Variants in WDR93 observed in about 807,000 individuals in gnomAD.
The protein encoded by WDR93 is WD repeat domain 93.
A neutral mutation model predicts 82.9 loss-of-function variants in WDR93; 73 were observed. The ratio of observed to expected loss-of-function variants is 0.88; its 90% CI spans 0.73 to 1.07. The LOEUF (loss-of-function observed/expected upper bound fraction) is 1.07. WDR93 is among the 50% of genes least tolerant of loss of function. The probability of loss-of-function intolerance (pLI) is 0.00; values close to 1 mark genes in which losing one functional copy is unlikely to be tolerated. For synonymous variants in WDR93, 283 were observed against 300.1 expected, an observed-to-expected ratio of 0.94 and a Z score of 0.59; for missense variants, 738 against 826.0, an observed-to-expected ratio of 0.89 and a Z score of 1.31.
chr15:89,743,000 G>A (rs567226855), intron 16 of WDR93, among the ~76,000 whole-genome samples: 4 of 152,324 alleles, frequency 2.6e-5, no homozygotes, highest in Non-Finnish European at 4.4e-5. Context: ...TGAATGTTCC[G>A]TTGTGTGTAA....
At chr15:89,709,970 C>A (rs1965894905) in intron 4 of WDR93, among the ~76,000 whole-genome samples, 1 of 151,934 alleles carries the variant, frequency 6.6e-6, no homozygotes, top group Admixed American at 6.6e-5. Flanking sequence ...ACCATCCTGG[C>A]TAACACGGTG....
chr15:89,728,043 TG>T (rs1966807201), intron 9 of WDR93, among the ~76,000 whole-genome samples: 1 of 152,102 alleles, frequency 6.6e-6, no homozygotes, highest in South Asian at 2.1e-4. Flanking sequence ...ATCACGCCAC[TG>T]CACTGTAGCT....
chr15:89,726,192 A>T (rs965009040), intron 8 of WDR93, among the ~76,000 whole-genome samples: 2 of 152,238 alleles, frequency 1.3e-5, no homozygotes, highest in Admixed American at 1.3e-4. Context: ...AGAAGCTGAG[A>T]TGGAAGGATT....
At chr15:89,739,115 C>CA (rs763514909) in intron 16 of WDR93, among the ~76,000 whole-genome samples, 3,010 of 127,172 alleles carry the variant, frequency 0.024, 53 homozygotes, top group East Asian at 0.12. Flanking sequence ...GACCCTGCCT[C>CA]AAAAAAAAAA....
At chr15:89,712,003 A>G (rs1596084244) in intron 4 of WDR93, 23 bp from the exon 5 acceptor site, 3 of 1,601,530 alleles carry the variant, frequency 1.9e-6, no homozygotes, top group Non-Finnish European at 1.7e-6. Flanking sequence ...TGCCTACTCT[A>G]TCAACATCTC....
At chr15:89,732,976 C>T in intron 12 of WDR93, 30 bp from the exon 13 acceptor site, 1 of 1,609,804 alleles carries the variant, frequency 6.2e-7, no homozygotes, top group Non-Finnish European at 8.5e-7. Context: ...ACCCCGTTTT[C>T]TGACCGGCTT....
intron 4 of WDR93, among the ~76,000 whole-genome samples, chr15:89,708,434 G>A (rs557725640): frequency 6.6e-6 from 1 of 151,978 alleles, no homozygotes; most frequent in Non-Finnish European, 1.5e-5. Flanking sequence ...TGTCGCAGCT[G>A]GCTCTAGTCA....
At chr15:89,740,106 G>A (rs1191627115) in intron 16 of WDR93, among the ~76,000 whole-genome samples, 1 of 152,168 alleles carries the variant, frequency 6.6e-6, no homozygotes, top group Non-Finnish European at 1.5e-5. Flanking sequence ...TTGGCTTAAG[G>A]TATTAAGTGG....
upstream of WDR93, chr15:89,690,551 G>C (rs1410758622): frequency 5.8e-6 from 9 of 1,543,362 alleles, no homozygotes; most frequent in African/African-American, 1.4e-5. Context: ...CGAGAAAGGG[G>C]CGGAGGCCGC....
chr15:89,706,317 G>GTT (rs35434840), intron 4 of WDR93, among the ~76,000 whole-genome samples: 1 of 146,624 alleles, frequency 6.8e-6, no homozygotes. Flanking sequence ...TCAGAGTAAG[G>GTT]TTTTTTTTTT....
intron 1 of WDR93, among the ~76,000 whole-genome samples, chr15:89,694,983 C>T (rs1402969252): frequency 1.3e-5 from 2 of 152,112 alleles, no homozygotes; most frequent in Non-Finnish European, 2.9e-5. Context: ...AAAATAAGTT[C>T]TCCATATATG....
At chr15:89,736,873 G>A (rs1482121999) in intron 14 of WDR93, among the ~76,000 whole-genome samples, 1 of 151,114 alleles carries the variant, frequency 6.6e-6, no homozygotes, top group Non-Finnish European at 1.5e-5. Flanking sequence ...CTCACTGCAA[G>A]CTCTGCCTCC....
At chr15:89,696,476 TTGGTGGTGGTGG>T (rs60440150) in intron 1 of WDR93, among the ~76,000 whole-genome samples, 1 of 151,312 alleles carries the variant, frequency 6.6e-6, no homozygotes, top group Admixed American at 6.6e-5. Flanking sequence ...TGAACTTACA[TTGGTGGTGGTGG>T]TGGTGGTGGT....
At chr15:89,697,208 C>A (rs1044022567) in intron 1 of WDR93, among the ~76,000 whole-genome samples, 1 of 152,288 alleles carries the variant, frequency 6.6e-6, no homozygotes, top group African/African-American at 2.4e-5. Context: ...ATCTTCCCAC[C>A]TTGGCCTCCC....
chr15:89,715,233 C>A, intron 6 of WDR93, 138 bp downstream of exon 6: 1 of 660,470 alleles, frequency 1.5e-6, no homozygotes, highest in East Asian at 2.8e-5. Flanking sequence ...CCCCTGTCTC[C>A]CAAGTCAATT....
At position 89,743,203 on chromosome 15, in the gene WDR93, G is replaced by A. The variant is rs992674043; in HGVS notation, c.1962-89G>A. On this transcript the variant is annotated intron_variant, in intron 16 of 16. Coordinates refer to ENST00000268130, the MANE Select transcript of WDR93 (RefSeq NM_020212.2). ...TGTGTCCTCTTAGAGTTTCTCATAG[G>A]AGCACAGGGTAGTCGAGGTCTGCCC... 8.2e-5 allele frequency: 105 copies of A among 1,286,284 alleles called. No homozygotes were observed. The African/African-American group carries it at 1.4e-3, about 17-fold the overall frequency. The allele number at this position is 1,286,284 out of a possible 1,614,324, so 79.7% of individuals were successfully genotyped here. A position where few individuals can be genotyped will look rare whatever the true frequency, so the allele number is the denominator to read the frequency against.
At chr15:89,707,752 C>T (rs1433888341) in intron 4 of WDR93, among the ~76,000 whole-genome samples, 2 of 152,202 alleles carry the variant, frequency 1.3e-5, no homozygotes, top group African/African-American at 2.4e-5. Context: ...AAAAGTTAAA[C>T]ATGTACTTAC....
intron 9 of WDR93, among the ~76,000 whole-genome samples, chr15:89,727,884 A>G (rs1596109861): frequency 1.3e-5 from 2 of 152,066 alleles, no homozygotes; most frequent in Non-Finnish European, 2.9e-5. Flanking sequence ...GGAGTTTGAG[A>G]CCAGCCTGGT....
chr15:89,724,793 TAA>T (rs1194473354), intron 8 of WDR93, among the ~76,000 whole-genome samples: 4 of 152,236 alleles, frequency 2.6e-5, no homozygotes, highest in Admixed American at 2.6e-4. Flanking sequence ...TGGGTAAAAT[TAA>T]AAAGACTGAC....
Sources: allele counts gnomAD v4.1 joint callset (sites outside exome capture counted in the v4.1 genomes callset), GRCh38; gene constraint gnomAD v4.1.1; transcripts MANE v1.5; gene names NCBI Gene and HGNC (gene_info 2026-07-23, HGNC 2026-07-21).